The following MTUS1 variants were observed in gnomAD, a reference collection of about 807,000 sequenced individuals.
The protein encoded by MTUS1 is microtubule-associated tumor suppressor 1.
Under a neutral mutation model 120.8 loss-of-function variants are expected in MTUS1, and 109 were observed. The observed-to-expected ratio is 0.90, with a 90% confidence interval of 0.77 to 1.06. The LOEUF (loss-of-function observed/expected upper bound fraction) is 1.06, where lower values mean the gene tolerates loss of function less well. Ranked by LOEUF, MTUS1 falls within the 50% of genes least tolerant of loss-of-function variation. The probability of loss-of-function intolerance (pLI) is 0.00; values close to 1 mark genes in which losing one functional copy is unlikely to be tolerated. For missense variants in MTUS1, 2,210 were observed against 1,486.3 expected (o/e 1.49, Z -8.01); for synonymous variants, 737 against 550.5 (o/e 1.34, Z -4.74).
chr8:17,756,157 T>C (rs574133439), intron 1 of MTUS1, among the ~76,000 whole-genome samples, 196 bp from the exon 2 acceptor site: 16 of 152,304 alleles, frequency 1.1e-4, no homozygotes, highest in African/African-American at 3.6e-4. Context: ...TTTGAGGGAA[T>C]AGCAAATGGG....
In MTUS1 at chr8:17,754,235, C is replaced by A; in HGVS notation, c.1573G>T (p.Ala525Ser). 1 of 1,614,056 alleles carries A rather than the reference C, an allele frequency of 6.2e-7. No homozygotes were observed. The highest frequency in any genetic ancestry group is 1.1e-5 in the South Asian group (1 of 91,058). Residue 525 changes from alanine to serine, a missense_variant, in exon 2 of 15, where the codon GCT becomes TCT. By Grantham distance (99) the Ala-to-Ser change is moderately conservative. Transcript: ENST00000693296. ...CTGGGCGTGACCTTTGATAAAGCAG[C>A]ATCTTTGGGCTGCAACACTGCTCTA... is the stretch of plus-strand genomic sequence containing the variant. ...MSRAVLQPKD[A>S]ALSKVTPRPQ...
chr8:17,700,205 T>C (rs1585789248), intron 6 of MTUS1, among the ~76,000 whole-genome samples: 1 of 151,866 alleles, frequency 6.6e-6, no homozygotes, highest in South Asian at 2.1e-4. Context: ...TGAGATTACA[T>C]GCCTGTAATC....
intron 1 of MTUS1, among the ~76,000 whole-genome samples, chr8:17,773,338 T>A (rs1331937670): frequency 6.6e-6 from 1 of 152,128 alleles, no homozygotes; most frequent in African/African-American, 2.4e-5. Flanking sequence ...TCATTAGAGG[T>A]GGCCTAGAGA....
At position 17,754,144 on chromosome 8, in the gene MTUS1, C is replaced by G. The variant is rs560219427; in HGVS notation, c.1664G>C (p.Arg555Thr). The G allele has an allele frequency of 1.1e-5, 18 of 1,613,694 alleles. No homozygotes were observed. The highest frequency in any genetic ancestry group is 9.9e-5 in the South Asian group (9 of 91,060). The change falls in exon 2 of 15, where the codon AGA becomes ACA. Residue 555 changes from arginine (R) to threonine (T), a missense_variant. Transcript: ENST00000693296. ...VNSRQQTVLS[R>T]TPRSDLNADK... ...TGCATTCAAGTCAGATCTCGGTGTTCTGCTCAAGACTGTTTGTTGTCTTGA... is the reference window on the plus strand; with the variant it reads ...TGCATTCAAGTCAGATCTCGGTGTTGTGCTCAAGACTGTTTGTTGTCTTGA...
intron 8 of MTUS1, among the ~76,000 whole-genome samples, chr8:17,663,275 A>G (rs561249830): frequency 3.9e-4 from 60 of 152,260 alleles, no homozygotes; most frequent in African/African-American, 1.4e-3. Context: ...GGAAGGTCAG[A>G]CTTTTATTAT....
At chr8:17,765,034 T>C (rs1248646883) in intron 1 of MTUS1, among the ~76,000 whole-genome samples, 1 of 152,158 alleles carries the variant, frequency 6.6e-6, no homozygotes, top group Non-Finnish European at 1.5e-5. Flanking sequence ...AAGTAGACAG[T>C]CCCATCTGGA....
Position 17,645,902 on chromosome 8 carries a change from G to C in MTUS1, c.*24C>G, listed in dbSNP as rs758253965. On this transcript the variant is annotated 3_prime_UTR_variant, in exon 15 of 15. Coordinates refer to ENST00000693296, the MANE Select transcript of MTUS1 (RefSeq NM_001363059.2). Reference sequence around the variant, plus strand: ...AGACCTGCATCAAAATGCTTTCAGAGAGTCTGTGGACTTTGGGGAGGTGTC... The same window carrying C: ...AGACCTGCATCAAAATGCTTTCAGACAGTCTGTGGACTTTGGGGAGGTGTC... 1.2e-6 allele frequency: 2 copies of C among 1,601,242 alleles called. No individual in the cohort carries two copies. Among genetic ancestry groups the C allele is most frequent in the South Asian group, 1.1e-5 (1 of 88,634 alleles).
chr8:17,783,611 T>A (rs917705807), intron 1 of MTUS1, among the ~76,000 whole-genome samples: 1 of 152,164 alleles, frequency 6.6e-6, no homozygotes, highest in Non-Finnish European at 1.5e-5. Flanking sequence ...TTGTTTAGCT[T>A]TGTATCCCTG....
intron 1 of MTUS1, among the ~76,000 whole-genome samples, chr8:17,760,604 C>T (rs950276345): frequency 4.6e-5 from 7 of 152,092 alleles, no homozygotes; most frequent in African/African-American, 1.4e-4. Flanking sequence ...TATTTCTCCC[C>T]GACTTTAAGA....
intron 3 of MTUS1, among the ~76,000 whole-genome samples, chr8:17,736,529 G>T (rs539244122): frequency 6.6e-6 from 1 of 152,188 alleles, no homozygotes; most frequent in Non-Finnish European, 1.5e-5. Context: ...GGCCTTTCTT[G>T]ACCAACCGTT....
At chr8:17,699,300 C>G (rs1323346274) in intron 6 of MTUS1, among the ~76,000 whole-genome samples, 5 of 152,184 alleles carry the variant, frequency 3.3e-5, no homozygotes, top group Non-Finnish European at 7.4e-5. Context: ...TCACTGCAAT[C>G]TCTGCCTCCC....
At chr8:17,652,780 G>A (rs984734644) in intron 12 of MTUS1, among the ~76,000 whole-genome samples, 4 of 151,100 alleles carry the variant, frequency 2.6e-5, no homozygotes, top group Non-Finnish European at 5.9e-5. Flanking sequence ...ACGTTGCAGT[G>A]AGCCGAGATC....
chr8:17,652,142 G>C (rs1279240717), intron 12 of MTUS1, among the ~76,000 whole-genome samples: 3 of 152,094 alleles, frequency 2.0e-5, no homozygotes, highest in African/African-American at 7.2e-5. Context: ...TGAAAACAGT[G>C]GTACTAAAGG....
chr8:17,707,398 G>T (rs935939660), intron 6 of MTUS1, among the ~76,000 whole-genome samples: 2 of 152,022 alleles, frequency 1.3e-5, no homozygotes, highest in Non-Finnish European at 2.9e-5. Context: ...ATAATACCAG[G>T]TTAGTCTTAA....
intron 1 of MTUS1, among the ~76,000 whole-genome samples, chr8:17,786,492 C>T (rs1433849911): frequency 1.3e-5 from 2 of 152,086 alleles, no homozygotes; most frequent in African/African-American, 2.4e-5. Flanking sequence ...AGATAGGAAG[C>T]GTGAACTGAC....
chr8:17,798,342 T>C (rs926935255), intron 1 of MTUS1, among the ~76,000 whole-genome samples: 2 of 152,162 alleles, frequency 1.3e-5, no homozygotes, highest in African/African-American at 4.8e-5. Flanking sequence ...TGGGGAATTT[T>C]TTTTTTTTAA....
chr8:17,649,253 C>T (rs999373770), intron 13 of MTUS1, among the ~76,000 whole-genome samples: 4 of 152,084 alleles, frequency 2.6e-5, no homozygotes, highest in African/African-American at 9.7e-5. Flanking sequence ...GACAGGGTTT[C>T]ACCATGTTGG....
At chr8:17,670,161 AGGG>A (rs1811723205) in intron 8 of MTUS1, among the ~76,000 whole-genome samples, 1 of 152,232 alleles carries the variant, frequency 6.6e-6, no homozygotes, top group African/African-American at 2.4e-5. Context: ...GCTGAGGAAC[AGGG>A]GTGAATGAGG....
At chr8:17,676,649 G>A (rs1022538792) in intron 7 of MTUS1, among the ~76,000 whole-genome samples, 2 of 152,160 alleles carry the variant, frequency 1.3e-5, no homozygotes, top group African/African-American at 4.8e-5. Context: ...AGCTGCAACG[G>A]AGGAAAGAAA....
Sources: allele counts gnomAD v4.1 joint callset (sites outside exome capture counted in the v4.1 genomes callset), GRCh38; gene constraint gnomAD v4.1.1; transcripts MANE v1.5; gene names NCBI Gene and HGNC (gene_info 2026-07-23, HGNC 2026-07-21).